The following BLTP2 variants were observed in gnomAD, a reference collection of about 807,000 sequenced individuals.
The protein encoded by BLTP2 is bridge-like lipid transfer protein family member 2.
the BLTP2 span, among the ~76,000 whole-genome samples, chr17:28,621,700 C>G: frequency 6.6e-6 from 1 of 152,148 alleles, no homozygotes; most frequent in Non-Finnish European, 1.5e-5. Flanking sequence ...ATTCTCCAAC[C>G]CAACTGAGTT....
At chr17:28,644,609 T>C in the BLTP2 span, among the ~76,000 whole-genome samples, 3 of 152,094 alleles carry the variant, frequency 2.0e-5, no homozygotes, top group Non-Finnish European at 4.4e-5. Flanking sequence ...ACCCGGCAGC[T>C]CGAATGCTGT....
the BLTP2 span, chr17:28,644,171 A>G: frequency 1.2e-6 from 2 of 1,613,894 alleles, no homozygotes; most frequent in Admixed American, 3.3e-5. Context: ...TTGGTGGCCA[A>G]CCGGACCACA....
chr17:28,642,390 G>A, the BLTP2 span: 23 of 1,476,630 alleles, frequency 1.6e-5, no homozygotes, highest in African/African-American at 1.2e-4. Flanking sequence ...GGTGGCTCAC[G>A]CCTGTAACCC....
the BLTP2 span, chr17:28,636,976 G>C: frequency 6.2e-7 from 1 of 1,613,832 alleles, no homozygotes; most frequent in African/African-American, 1.3e-5. Flanking sequence ...TCCAGAGAGC[G>C]GATGCTGCTG....
At chr17:28,615,835 G>A in the BLTP2 span, 2 of 1,610,210 alleles carry the variant, frequency 1.2e-6, no homozygotes, top group African/African-American at 1.3e-5. Context: ...AAAAAAGAGG[G>A]GTGGGGAATA....
the BLTP2 span, chr17:28,632,214 T>C: frequency 4.4e-6 from 7 of 1,605,512 alleles, no homozygotes; most frequent in Admixed American, 6.7e-5. Context: ...TACTACTATA[T>C]AGCAGAATTC....
At chr17:28,642,385 C>T in the BLTP2 span, 31 of 1,521,950 alleles carry the variant, frequency 2.0e-5, no homozygotes, top group East Asian at 6.5e-4. Context: ...GGCGCGGTGG[C>T]TCACGCCTGT....
chr17:28,620,738 G>A, the BLTP2 span: 74 of 1,274,378 alleles, frequency 5.8e-5, no homozygotes, highest in East Asian at 1.7e-3. Flanking sequence ...CCCACAGAAA[G>A]GGTGAGAGTT....
chr17:28,630,474 T>G, the BLTP2 span, among the ~76,000 whole-genome samples: 10 of 145,850 alleles, frequency 6.9e-5, no homozygotes, highest in East Asian at 2.0e-4. Context: ...TGTTTTTTTT[T>G]TTTTTTTTTT....
chr17:28,615,608 A>G, the BLTP2 span: 13 of 1,585,906 alleles, frequency 8.2e-6, no homozygotes, highest in Non-Finnish European at 1.0e-5. Flanking sequence ...GCTCCTGAAA[A>G]GAGGATCTGC....
the BLTP2 span, chr17:28,631,413 A>G: frequency 1.4e-6 from 2 of 1,427,466 alleles, no homozygotes; most frequent in East Asian, 4.6e-5. Flanking sequence ...TTGTTATGGC[A>G]GCCCAAGTAG....
chr17:28,635,072 C>G, the BLTP2 span: 1 of 1,613,498 alleles, frequency 6.2e-7, no homozygotes, highest in Non-Finnish European at 8.5e-7. Context: ...ACAGCCTCAT[C>G]TAGAGTTCGA....
the BLTP2 span, chr17:28,618,688 C>A: frequency 1.1e-6 from 1 of 870,998 alleles, no homozygotes; most frequent in Non-Finnish European, 1.8e-6. Flanking sequence ...AATAATCATA[C>A]AATAATTAAC....
At chr17:28,620,692 T>C in the BLTP2 span, 1 of 1,581,228 alleles carries the variant, frequency 6.3e-7, no homozygotes, top group Non-Finnish European at 8.6e-7. Context: ...CTACTCCATC[T>C]CTTAACCCAC....
chr17:28,623,663 G>A, the BLTP2 span: 1 of 985,400 alleles, frequency 1.0e-6, no homozygotes, highest in South Asian at 1.4e-5. Context: ...ATTCTGCTAA[G>A]CTAGTAACAG....
the BLTP2 span, among the ~76,000 whole-genome samples, chr17:28,636,198 A>G: frequency 6.6e-6 from 1 of 152,370 alleles, no homozygotes; most frequent in East Asian, 1.9e-4. Flanking sequence ...ATTCCAGGAC[A>G]TAAAATTCTC....
chr17:28,643,485 G>A, the BLTP2 span: 49 of 1,345,458 alleles, frequency 3.6e-5, no homozygotes, highest in Middle Eastern at 1.5e-3. Context: ...CAGGCTAACA[G>A]GAAGACTTCA....
At chr17:28,615,150 C>G in the BLTP2 span, 2 of 1,614,200 alleles carry the variant, frequency 1.2e-6, no homozygotes, top group Non-Finnish European at 1.7e-6. Context: ...TTCTCCTCCT[C>G]TTCCTGCTGT....
the BLTP2 span, chr17:28,635,473 G>C: frequency 1.2e-6 from 2 of 1,614,218 alleles, no homozygotes; most frequent in South Asian, 1.1e-5. Context: ...AGTCTCTAGT[G>C]CAAGGGATGG....
Sources: allele counts gnomAD v4.1 joint callset (sites outside exome capture counted in the v4.1 genomes callset), GRCh38; gene constraint gnomAD v4.1.1; transcripts MANE v1.5; gene names NCBI Gene and HGNC (gene_info 2026-07-23, HGNC 2026-07-21).